The following FBXO8 variants were observed in gnomAD, a reference collection of about 807,000 sequenced individuals.
FBXO8 encodes F-box protein 8.
Under a neutral mutation model 33.4 loss-of-function variants are expected in FBXO8, and 15 were observed. The ratio of observed to expected loss-of-function variants is 0.45; its 90% CI spans 0.30 to 0.69. FBXO8 has a LOEUF of 0.69. Among genes scored for constraint, FBXO8 ranks in the 30% least tolerant of loss-of-function variants. The pLI, the probability that FBXO8 is intolerant of heterozygous loss-of-function variation, is 0.08. For synonymous variants in FBXO8, 132 were observed against 131.5 expected, an observed-to-expected ratio of 1.00 and a Z score of -0.02; for missense variants, 274 against 380.3, an observed-to-expected ratio of 0.72 and a Z score of 2.32.
intron 1 of FBXO8, among the ~76,000 whole-genome samples, chr4:174,266,595 C>T (rs62335798): frequency 0.18 from 27,452 of 151,964 alleles, 3,000 homozygotes; most frequent in East Asian, 0.59. Context: ...CTCAAAATGA[C>T]GTGACATCCA....
Position 174,265,081 on chromosome 4 carries a change from A to T in FBXO8, c.-8-1981T>A, listed in dbSNP as rs1415491300. 2.0e-5 allele frequency among the ~76,000 whole-genome samples: 3 copies of T among 152,074 alleles called. No homozygotes were observed. Among genetic ancestry groups the T allele is most frequent in the African/African-American group, 7.2e-5 (3 of 41,436 alleles). On this transcript the variant is annotated intron_variant, in intron 1 of 5. Transcript: ENST00000393674. This position sits in a 1 kb window ranked among gnomAD's most constrained non-coding sequence, Gnocchi z 4.7. ...ACATAACTATGAGATACTACTACAC[A>T]CCCATTAAAAGAGTATATCCGAAAC... is the stretch of plus-strand genomic sequence containing the variant.
Position 174,259,804 on chromosome 4 carries a change from A to AC in FBXO8, c.350dup (p.His118SerfsTer7). The AC allele has an allele frequency of 2.5e-6, 4 of 1,595,780 alleles. No homozygotes were observed. Among genetic ancestry groups the AC allele is most frequent in the Non-Finnish European group, 2.6e-6 (3 of 1,175,222 alleles). ...GGTTCTTATTGTATATGGAACAGTG[A>AC]CCCCAAGTGGATTTGCACAACCTAT... On this transcript the variant is annotated frameshift_variant, in exon 3 of 6. Coordinates refer to ENST00000393674, the MANE Select transcript of FBXO8 (RefSeq NM_012180.3). LOFTEE classifies it high-confidence loss of function. The surrounding 1 kb of genome is among the most constrained non-coding windows in gnomAD (Gnocchi z 4.3).
In FBXO8 at chr4:174,263,000, C is replaced by T. The variant is rs2126437731; in HGVS notation, c.93G>A (p.Arg31=). The change falls in exon 2 of 6, where the codon AGG becomes AGA. Residue 31 remains arginine (R), a synonymous_variant. Coordinates refer to ENST00000393674, the MANE Select transcript of FBXO8 (RefSeq NM_012180.3). The surrounding 1 kb of genome is among the most constrained non-coding windows in gnomAD (Gnocchi z 4.6). ...EQGYLTREQS[R]RMAASNISNT... is the part of the protein sequence containing the mutation. ...TAGAAATGTTGCTCGCAGCCATTCT[C>T]CTGCTCTGCTCTCTGGTGAGGTAGC... is the stretch of plus-strand genomic sequence containing the variant. 6.2e-7 allele frequency: 1 copy of T among 1,614,064 alleles called. No homozygotes were observed. Among genetic ancestry groups the T allele is most frequent in the Middle Eastern group, 1.6e-4 (1 of 6,062 alleles).
Position 174,263,558 on chromosome 4 carries a change from G to A in FBXO8, c.-8-458C>T, listed in dbSNP as rs1736619720. On this transcript the variant is annotated intron_variant, in intron 1 of 5. Coordinates refer to ENST00000393674, the MANE Select transcript of FBXO8 (RefSeq NM_012180.3). This position sits in a 1 kb window ranked among gnomAD's most constrained non-coding sequence, Gnocchi z 4.2. ...CTAGCTCCTTTTAACCAAACTCCCA[G>A]ATGCGTAACAGCTGGGAAACAGGCT... 6.6e-6 allele frequency among the ~76,000 whole-genome samples: 1 copy of A among 152,050 alleles called. No homozygotes were observed. The highest frequency in any genetic ancestry group is 1.5e-5 in the Non-Finnish European group (1 of 68,006).
In FBXO8 at chr4:174,237,331, A is replaced by G; in HGVS notation, c.*81T>C. On this transcript the variant is annotated 3_prime_UTR_variant, in exon 6 of 6. Coordinates refer to ENST00000393674, the MANE Select transcript of FBXO8 (RefSeq NM_012180.3). This position sits in a 1 kb window ranked among gnomAD's most constrained non-coding sequence, Gnocchi z 4.4. ...GTATACTCAGGCTACAATGACCAGC[A>G]CTGATGTAACCCCCATATCTGCTAA... 8.5e-7 allele frequency: 1 copy of G among 1,174,446 alleles called. No homozygotes were observed. The highest frequency in any genetic ancestry group is 1.2e-6 in the Non-Finnish European group (1 of 814,714). 72.8% of individuals were successfully genotyped at this position (1,174,446 alleles called of 1,614,324 possible). A position where few individuals can be genotyped will look rare whatever the true frequency, so the allele number is the denominator to read the frequency against.
At position 174,257,762 on chromosome 4, in the gene FBXO8, T is replaced by C. The variant is rs953541542; in HGVS notation, c.456+1937A>G. ...CTACATATCTTTATTATGATTATGA[T>C]TATTATCATTGAGACAGAGTCTCAC... On this transcript the variant is annotated intron_variant, in intron 3 of 5. Coordinates refer to ENST00000393674, the MANE Select transcript of FBXO8 (RefSeq NM_012180.3). This position sits in a 1 kb window ranked among gnomAD's most constrained non-coding sequence, Gnocchi z 4.3. 2.0e-5 allele frequency among the ~76,000 whole-genome samples: 3 copies of C among 152,162 alleles called. No individual in the cohort carries two copies. Among genetic ancestry groups the C allele is most frequent in the Non-Finnish European group, 4.4e-5 (3 of 68,030 alleles).
At chr4:174,242,636 T>G (rs1192362143) in intron 3 of FBXO8, among the ~76,000 whole-genome samples, 2 of 151,570 alleles carry the variant, frequency 1.3e-5, no homozygotes, top group Non-Finnish European at 3.0e-5. Flanking sequence ...TCAGACTAAA[T>G]CCTGAATACA....
In FBXO8 at chr4:174,241,241, C is replaced by A. The variant is rs758876433; in HGVS notation, c.457-23G>T. 1.4e-6 allele frequency: 2 copies of A among 1,415,322 alleles called. No individual in the cohort carries two copies. The highest frequency in any genetic ancestry group is 1.8e-4 in the Middle Eastern group (1 of 5,572). The allele number at this position is 1,415,322 out of a possible 1,614,324, so 87.7% of individuals were successfully genotyped here. ...TCCCTAAGGCAGAAAGACAAGTCTA[C>A]ATAAATAAAATTGCTCTTTATTTAT... On this transcript the variant is annotated intron_variant, in intron 3 of 5. Coordinates refer to ENST00000393674, the MANE Select transcript of FBXO8 (RefSeq NM_012180.3). This position sits in a 1 kb window ranked among gnomAD's most constrained non-coding sequence, Gnocchi z 4.2.
In FBXO8 at chr4:174,260,209, G is replaced by A. The variant is rs147937536; in HGVS notation, c.330-384C>T. On this transcript the variant is annotated intron_variant, in intron 2 of 5. Coordinates refer to ENST00000393674, the MANE Select transcript of FBXO8 (RefSeq NM_012180.3). ...CTAATCTTCACAACAATCCTATGACGTTGGTGATACAGATAAGAAACACAG... is the reference window on the plus strand; with the variant it reads ...CTAATCTTCACAACAATCCTATGACATTGGTGATACAGATAAGAAACACAG... Among the ~76,000 whole-genome samples the A allele has an allele frequency of 3.5e-3, 539 of 152,022 alleles. 3 individuals carry two copies. Among genetic ancestry groups the A allele is most frequent in the Middle Eastern group, 0.014 (4 of 294 alleles).
intron 3 of FBXO8, among the ~76,000 whole-genome samples, chr4:174,258,459 C>T (rs566029533): frequency 6.6e-6 from 1 of 152,192 alleles, no homozygotes; most frequent in South Asian, 2.1e-4. Context: ...ATAAATCATT[C>T]TAATTTCATT....
At chr4:174,239,711 C>T (rs1419934838) in intron 4 of FBXO8, among the ~76,000 whole-genome samples, 1 of 151,660 alleles carries the variant, frequency 6.6e-6, no homozygotes, top group East Asian at 1.9e-4. Context: ...TATCTTTATA[C>T]CTAGATCCAC....
chr4:174,278,319 C>T lies in FBXO8; in HGVS notation c.-9+5091G>A, dbSNP rs1182872555. Among the ~76,000 whole-genome samples, 1 of 151,908 alleles carries T rather than the reference C, an allele frequency of 6.6e-6. No homozygotes were observed. Among genetic ancestry groups the T allele is most frequent in the East Asian group, 1.9e-4 (1 of 5,192 alleles). ...TTGTTACTAAAAGGCATACCATTTG[C>T]AGGTTTTGGTTTTTTTTAATTCAAA... On this transcript the variant is annotated intron_variant, in intron 1 of 5. Transcript: ENST00000393674. This position sits in a 1 kb window ranked among gnomAD's most constrained non-coding sequence, Gnocchi z 4.1.
rs540265205 is a variant in FBXO8, at chr4:174,253,665, T to C, written c.456+6034A>G. Among the ~76,000 whole-genome samples the C allele has an allele frequency of 2.0e-4, 30 of 152,316 alleles. No homozygotes were observed. Among genetic ancestry groups the C allele is most frequent in the African/African-American group, 6.7e-4 (28 of 41,582 alleles). Reference sequence around the variant, plus strand: ...TTTCTTCTAGCATCCTAGCTGCAGTTGTTGAATTATAAGTCTAAGCCAATC... The same window carrying C: ...TTTCTTCTAGCATCCTAGCTGCAGTCGTTGAATTATAAGTCTAAGCCAATC... On this transcript the variant is annotated intron_variant, in intron 3 of 5. Transcript: ENST00000393674. This position sits in a 1 kb window ranked among gnomAD's most constrained non-coding sequence, Gnocchi z 4.5.
chr4:174,240,907 A>T (rs1736020197), intron 4 of FBXO8, among the ~76,000 whole-genome samples, 193 bp downstream of exon 4: 1 of 151,624 alleles, frequency 6.6e-6, no homozygotes, highest in Non-Finnish European at 1.5e-5. Flanking sequence ...CTTACTTTTA[A>T]AATGGTAACT....
At position 174,241,719 on chromosome 4, in the gene FBXO8, T is replaced by C. The variant is rs1736045606; in HGVS notation, c.457-501A>G. 6.6e-6 allele frequency among the ~76,000 whole-genome samples: 1 copy of C among 151,562 alleles called. No homozygotes were observed. Among genetic ancestry groups the C allele is most frequent in the Admixed American group, 6.6e-5 (1 of 15,166 alleles). On this transcript the variant is annotated intron_variant, in intron 3 of 5. Coordinates refer to ENST00000393674, the MANE Select transcript of FBXO8 (RefSeq NM_012180.3). The surrounding 1 kb of genome is among the most constrained non-coding windows in gnomAD (Gnocchi z 4.2). ...GAGAAAAATATTAAATTATTTAACT[T>C]AAAGTAAAGGAAGCCCAACTCCAAA...
intron 4 of FBXO8, among the ~76,000 whole-genome samples, 153 bp from the exon 5 acceptor site, chr4:174,239,343 T>C (rs1419540765): frequency 1.3e-5 from 2 of 151,798 alleles, no homozygotes; most frequent in African/African-American, 2.4e-5. Flanking sequence ...TTCCCAACAT[T>C]AAAAAATCTA....
intron 3 of FBXO8, among the ~76,000 whole-genome samples, chr4:174,258,078 A>G (rs1487172169): frequency 6.6e-6 from 1 of 152,176 alleles, no homozygotes; most frequent in Admixed American, 6.5e-5. Flanking sequence ...TGTTTTAATT[A>G]GCAACAAATA....
chr4:174,278,347 G>T lies in FBXO8; in HGVS notation c.-9+5063C>A, dbSNP rs1258324985. On this transcript the variant is annotated intron_variant, in intron 1 of 5. Coordinates refer to ENST00000393674, the MANE Select transcript of FBXO8 (RefSeq NM_012180.3). The surrounding 1 kb of genome is among the most constrained non-coding windows in gnomAD (Gnocchi z 4.1). The stretch of plus-strand genomic sequence containing the variant: ...GTTTTGGTTTTTTTTAATTCAAAAA[G>T]ATTTACAATATTACTTTGTTCCCTG... 6.6e-6 allele frequency among the ~76,000 whole-genome samples: 1 copy of T among 151,890 alleles called. No individual in the cohort carries two copies. The highest frequency in any genetic ancestry group is 1.5e-5 in the Non-Finnish European group (1 of 67,894).
At chr4:174,264,475 CATTT>C (rs1450167458) in intron 1 of FBXO8, among the ~76,000 whole-genome samples, 1 of 152,018 alleles carries the variant, frequency 6.6e-6, no homozygotes, top group Non-Finnish European at 1.5e-5. Flanking sequence ...ATAATCCACG[CATTT>C]ATTTACTAAA....
Sources: gnomAD v4.1 joint callset for allele counts (sites outside exome capture counted in the v4.1 genomes callset) on GRCh38, gnomAD v4.1.1 for gene constraint, Gnocchi (gnomAD v3.1) non-coding constraint, MANE v1.5 for transcripts, NCBI Gene and HGNC (gene_info 2026-07-23, HGNC 2026-07-21) for gene names.